The following MAPK8IP3 variants were observed in gnomAD, a reference collection of about 807,000 sequenced individuals.
The protein encoded by MAPK8IP3 is C-Jun-amino-terminal kinase-interacting protein 3.
MAPK8IP3 carries 49 observed loss-of-function variants against 157.8 expected under a neutral mutation model. The ratio of observed to expected loss-of-function variants is 0.31; its 90% CI spans 0.25 to 0.39. MAPK8IP3 has a LOEUF of 0.39. MAPK8IP3 is among the 10% of genes least tolerant of loss of function. The pLI is 1.00. For synonymous variants in MAPK8IP3, 897 were observed against 777.7 expected, an observed-to-expected ratio of 1.15 and a Z score of -2.55; for missense variants, 1,478 against 1,889.4, an observed-to-expected ratio of 0.78 and a Z score of 4.04.
intron 1 of MAPK8IP3, among the ~76,000 whole-genome samples, chr16:1,708,843 G>A (rs555217007): frequency 4.9e-4 from 74 of 152,146 alleles, no homozygotes; most frequent in Non-Finnish European, 9.1e-4. Context: ...AAGAGGGCTC[G>A]ATGCTGTCAA....
intron 1 of MAPK8IP3, among the ~76,000 whole-genome samples, chr16:1,718,821 C>T (rs565486010): frequency 6.6e-6 from 1 of 152,186 alleles, no homozygotes; most frequent in Admixed American, 6.5e-5. Flanking sequence ...CATCCACCCC[C>T]AGAAGCCCCA....
intron 8 of MAPK8IP3, among the ~76,000 whole-genome samples, chr16:1,757,223 G>T (rs2041656254): frequency 6.6e-6 from 1 of 152,092 alleles, no homozygotes; most frequent in African/African-American, 2.4e-5. Context: ...TCCTGCCTCA[G>T]CCGCCCGAGT....
chr16:1,768,665 G>T (rs370444764), intron 31 of MAPK8IP3, 38 bp from the exon 32 acceptor site: 1 of 1,610,932 alleles, frequency 6.2e-7, no homozygotes, highest in South Asian at 1.1e-5. Flanking sequence ...GTTGGGCGCG[G>T]GGGGAGCCTG....
chr16:1,752,784 A>T (rs1312960245), intron 8 of MAPK8IP3, among the ~76,000 whole-genome samples: 1 of 151,894 alleles, frequency 6.6e-6, no homozygotes, highest in Non-Finnish European at 1.5e-5. Flanking sequence ...AGGAAAAGAA[A>T]AAGTCAGGCA....
At position 1,721,108 on chromosome 16, in the gene MAPK8IP3, C is replaced by T. The variant is rs183081489; in HGVS notation, c.319-3449C>T. ...ATCCCAGCACTTGGGAAGGCCGAGG[C>T]GGGTGGATCACCTAAGGTCAAGAGT... On this transcript the variant is annotated intron_variant, in intron 1 of 31. Transcript: ENST00000610761. Among the ~76,000 whole-genome samples the T allele has an allele frequency of 2.8e-3, 422 of 151,584 alleles. 1 individual carries two copies. Among genetic ancestry groups the T allele is most frequent in the African/African-American group, 8.6e-3 (356 of 41,314 alleles).
At chr16:1,714,220 G>C (rs1055791356) in intron 1 of MAPK8IP3, 1 of 152,166 alleles carries the variant, frequency 6.6e-6, no homozygotes, top group African/African-American at 2.4e-5. Flanking sequence ...TTGTTTTTAC[G>C]TAACCTTCAC....
At chr16:1,763,131 C>T in intron 16 of MAPK8IP3, 125 bp downstream of exon 16, 1 of 1,296,352 alleles carries the variant, frequency 7.7e-7, no homozygotes, top group Non-Finnish European at 1.1e-6. Context: ...TGGCCACATG[C>T]CAGGGGCCGT....
chr16:1,757,450 G>C (rs1188934317), intron 8 of MAPK8IP3, among the ~76,000 whole-genome samples: 1 of 152,174 alleles, frequency 6.6e-6, no homozygotes, highest in African/African-American at 2.4e-5. Flanking sequence ...AAACAACCAA[G>C]TAGAAGAGAA....
intron 8 of MAPK8IP3, among the ~76,000 whole-genome samples, chr16:1,753,949 G>T (rs974280272): frequency 6.6e-6 from 1 of 151,768 alleles, no homozygotes; most frequent in Non-Finnish European, 1.5e-5. Context: ...CGAGGCGGGT[G>T]GGTCATGAGG....
chr16:1,718,779 C>A (rs1441666271), intron 1 of MAPK8IP3, among the ~76,000 whole-genome samples: 31 of 151,086 alleles, frequency 2.1e-4, no homozygotes, highest in African/African-American at 3.9e-4. Flanking sequence ...GGCAACAGAA[C>A]CATCTCAAAA....
At position 1,729,814 on chromosome 16, in the gene MAPK8IP3, G is replaced by A. The variant is rs574656059; in HGVS notation, c.602+236G>A. Among the ~76,000 whole-genome samples the A allele has an allele frequency of 4.9e-4, 74 of 152,154 alleles. No individual in the cohort carries two copies. In the South Asian group the frequency reaches 0.014, roughly 29 times the overall value. On this transcript the variant is annotated intron_variant, in intron 4 of 31. Coordinates refer to ENST00000610761, the MANE Select transcript of MAPK8IP3 (RefSeq NM_001318852.2). ...TCGAGCCCGTGTGTCCCTTCTGCTCGGTCCACAATTCAGTCAGGGAGGCCC... is the reference window on the plus strand; with the variant it reads ...TCGAGCCCGTGTGTCCCTTCTGCTCAGTCCACAATTCAGTCAGGGAGGCCC...
chr16:1,744,653 C>G (rs2040859300), intron 5 of MAPK8IP3: 2 of 985,516 alleles, frequency 2.0e-6, no homozygotes, highest in South Asian at 4.7e-5. Flanking sequence ...CATCTGAAGA[C>G]ACGTCAGCCT....
rs565711174 is a variant in MAPK8IP3 at position 1,769,836 on chromosome 16, C to G, written c.*1012C>G. 6.6e-6 allele frequency: 1 copy of G among 152,292 alleles called. No homozygotes were observed. The highest frequency in any genetic ancestry group is 2.4e-5 in the African/African-American group (1 of 41,420). 9.4% of individuals were successfully genotyped at this position (152,292 alleles called of 1,614,324 possible). On this transcript the variant is annotated 3_prime_UTR_variant, in exon 32 of 32. Transcript: ENST00000610761. ...AGGGTTGCCCGCTGTGGCCTGCTTC[C>G]AGGGAGCAACAGAGAGGCCACCAAG...
intron 11 of MAPK8IP3, 117 bp downstream of exon 11, chr16:1,760,132 G>T: frequency 8.6e-7 from 1 of 1,165,484 alleles, no homozygotes. Context: ...GCCAGCAGCT[G>T]TCCTCATCTC....
chr16:1,748,935 G>T (rs749001611), intron 8 of MAPK8IP3: 4 of 703,410 alleles, frequency 5.7e-6, no homozygotes, highest in Non-Finnish European at 7.9e-6. Context: ...AAAATCTGAG[G>T]CTTCTCAAGT....
At chr16:1,744,422 C>G in intron 5 of MAPK8IP3, 1 of 986,006 alleles carries the variant, frequency 1.0e-6, no homozygotes, top group Non-Finnish European at 1.2e-6. Flanking sequence ...GCTGCAGGCT[C>G]CTGCTCCGTC....
rs755083825 is a variant in MAPK8IP3, at chr16:1,764,224, G to T, written c.2121+14G>T. On this transcript the variant is annotated intron_variant, in intron 18 of 31. Coordinates refer to ENST00000610761, the MANE Select transcript of MAPK8IP3 (RefSeq NM_001318852.2). ...CCCACCATGAAGGTGAGCCCGCGAG[G>T]ACCCCGCTCAGGCTGGCTGGGCGAG... 3 of 1,608,088 alleles carry T rather than the reference G, an allele frequency of 1.9e-6. No individual in the cohort carries two copies. The highest frequency in any genetic ancestry group is 3.3e-5 in the Admixed American group (2 of 59,800).
At chr16:1,758,535 G>A (rs1043383623) in intron 9 of MAPK8IP3, among the ~76,000 whole-genome samples, 10 of 152,256 alleles carry the variant, frequency 6.6e-5, no homozygotes, top group East Asian at 5.8e-4. Flanking sequence ...AGCCCAGCCC[G>A]GGGTCCCCTC....
chr16:1,761,111 C>T (rs1223895604), intron 12 of MAPK8IP3, 113 bp from the exon 13 acceptor site: 4 of 827,966 alleles, frequency 4.8e-6, no homozygotes, highest in Non-Finnish European at 8.3e-6. Context: ...TGGGGAGAGC[C>T]CCCAGCCCTG....
Sources: allele counts gnomAD v4.1 joint callset (sites outside exome capture counted in the v4.1 genomes callset), GRCh38; gene constraint gnomAD v4.1.1; transcripts MANE v1.5; gene names NCBI Gene and HGNC (gene_info 2026-07-23, HGNC 2026-07-21).